The following TSPEAR variants were observed in gnomAD, a reference collection of about 807,000 sequenced individuals.
TSPEAR encodes the protein thrombospondin-type laminin G domain and EAR repeat-containing protein.
In TSPEAR, 69 loss-of-function variants were observed where a neutral mutation model predicts 71.6. The ratio of observed to expected loss-of-function variants is 0.96; its 90% confidence interval spans 0.79 to 1.18. The LOEUF (loss-of-function observed/expected upper bound fraction) is 1.18. Ranked by LOEUF, TSPEAR falls within the 50% of genes most tolerant of loss-of-function variation. TSPEAR has a pLI of 0.00. For synonymous variants in TSPEAR, 402 were observed against 387.2 expected (o/e 1.04, Z -0.45); for missense variants, 971 against 894.9 (o/e 1.09, Z -1.09).
rs1555931444 is a variant in TSPEAR, at chr21:44,612,625, C to T, written c.83-44620G>A. On this transcript the variant is annotated intron_variant, in intron 1 of 11. Transcript: ENST00000323084. This position sits in a 1 kb window ranked among gnomAD's most constrained non-coding sequence, Gnocchi z 4.1. ...TGCCCATCTGCTGCAAGCCCATCTG[C>T]TGTGTGCCTGTCTGCTCTGGGGCTT... 5 of 1,614,150 alleles carry T rather than the reference C, an allele frequency of 3.1e-6. No individual in the cohort carries two copies. Among genetic ancestry groups the T allele is most frequent in the East Asian group, 4.5e-5 (2 of 44,884 alleles).
intron 1 of TSPEAR, among the ~76,000 whole-genome samples, chr21:44,570,888 C>T (rs1569191991): frequency 6.6e-6 from 1 of 152,106 alleles, no homozygotes; most frequent in Non-Finnish European, 1.5e-5. Context: ...TTTATCAAAA[C>T]CTCAGATAAT....
At chr21:44,500,072 C>G (rs967103296) in intron 11 of TSPEAR, 136 bp from the exon 12 acceptor site, 2 of 871,660 alleles carry the variant, frequency 2.3e-6, no homozygotes, top group Admixed American at 6.8e-5. Flanking sequence ...CCGACTGGCA[C>G]AGCGTGGGGA....
chr21:44,654,955 G>A (rs1985053550), intron 1 of TSPEAR, among the ~76,000 whole-genome samples: 1 of 152,106 alleles, frequency 6.6e-6, no homozygotes, highest in Non-Finnish European at 1.5e-5. Context: ...ATGCCATCTG[G>A]AGCTCACACA....
At chr21:44,625,194 A>G (rs1229804516) in intron 1 of TSPEAR, among the ~76,000 whole-genome samples, 2 of 152,242 alleles carry the variant, frequency 1.3e-5, no homozygotes, top group Admixed American at 6.5e-5. Flanking sequence ...TGAGTGGTGA[A>G]CAAGACAACC....
intron 1 of TSPEAR, among the ~76,000 whole-genome samples, chr21:44,595,841 T>C (rs147121648): frequency 5.1e-4 from 77 of 152,366 alleles, no homozygotes; most frequent in Non-Finnish European, 9.7e-4. Flanking sequence ...CTACCCACTA[T>C]GTTTCTGTAA....
rs1368309276 is a variant in TSPEAR, at chr21:44,569,986, A to T, written c.83-1981T>A. 3.3e-5 allele frequency among the ~76,000 whole-genome samples: 5 copies of T among 152,060 alleles called. No individual in the cohort carries two copies. The East Asian group carries it at 9.7e-4, about 29-fold the overall frequency. On this transcript the variant is annotated intron_variant, in intron 1 of 11. Transcript: ENST00000323084. The stretch of plus-strand genomic sequence containing the variant: ...CCCTGGAAAGAATGGGTCTCTAAGT[A>T]AACCCCATGCACCCTACTGCCCCTC...
At chr21:44,548,833 ACT>A (rs773818055) in intron 2 of TSPEAR, among the ~76,000 whole-genome samples, 11 of 152,176 alleles carry the variant, frequency 7.2e-5, no homozygotes, top group Non-Finnish European at 1.2e-4. Context: ...ATCCATGAAC[ACT>A]CTGCACCAGC....
At position 44,702,313 on chromosome 21, in the gene TSPEAR, G is replaced by A. The variant is rs535719719; in HGVS notation, c.82+9120C>T. The stretch of plus-strand genomic sequence containing the variant: ...CTGCGCCGCCAGCTGCTGTGCCCCG[G>A]CCCCCTGCCTGACCCTGGTCTGCAC... On this transcript the variant is annotated intron_variant, in intron 1 of 11. Transcript: ENST00000323084. 116 of 1,609,820 alleles carry A rather than the reference G, an allele frequency of 7.2e-5. No individual in the cohort carries two copies. In the East Asian group the frequency reaches 2.5e-3, roughly 35 times the overall value.
chr21:44,536,454 A>G (rs1412405591), intron 2 of TSPEAR, among the ~76,000 whole-genome samples: 6 of 152,232 alleles, frequency 3.9e-5, no homozygotes, highest in Middle Eastern at 3.2e-3. Flanking sequence ...AGGTAGCACC[A>G]TGTCTCTAGG....
At chr21:44,676,732 T>C in intron 1 of TSPEAR, 2 of 785,550 alleles carry the variant, frequency 2.5e-6, no homozygotes, top group South Asian at 2.7e-5. Flanking sequence ...ATCTCTGACT[T>C]CCTCTACGTT....
At chr21:44,518,904 G>A (rs1601350943) in intron 9 of TSPEAR, 1 of 293,456 alleles carries the variant, frequency 3.4e-6, no homozygotes, top group Non-Finnish European at 6.9e-6. Flanking sequence ...GATGACACAT[G>A]ACTGGTGTGG....
Position 44,600,988 on chromosome 21 carries a change from G to T in TSPEAR, c.83-32983C>A, listed in dbSNP as rs782082026. The T allele has an allele frequency of 5.6e-6, 9 of 1,610,452 alleles. No homozygotes were observed. In the Admixed American group the frequency reaches 6.7e-5, roughly 12 times the overall value. On this transcript the variant is annotated intron_variant, in intron 1 of 11. Transcript: ENST00000323084. The stretch of plus-strand genomic sequence containing the variant: ...CTGCAAGACTGTCTGCTGCAAGCCT[G>T]TGTACTGTGTGCCTGTCTGCAGTGG...
chr21:44,555,543 G>A (rs1555919640), intron 2 of TSPEAR, among the ~76,000 whole-genome samples: 1 of 152,210 alleles, frequency 6.6e-6, no homozygotes, highest in Admixed American at 6.5e-5. Context: ...GTGGGCACTT[G>A]GCTAGGCCAG....
intron 1 of TSPEAR, among the ~76,000 whole-genome samples, chr21:44,648,157 T>G (rs1456972903): frequency 1.3e-5 from 2 of 152,162 alleles, no homozygotes; most frequent in Admixed American, 6.5e-5. Context: ...TACTCAGACG[T>G]CACTCATCCT....
intron 10 of TSPEAR, chr21:44,508,190 C>T (rs114642489): frequency 0.01 from 1,566 of 153,896 alleles, 27 homozygotes; most frequent in African/African-American, 0.032. Flanking sequence ...CACAGCTGAG[C>T]GGCACACAGC....
Position 44,556,334 on chromosome 21 carries a change from C to T in TSPEAR, c.303+11451G>A, listed in dbSNP as rs997202485. Reference sequence around the variant, plus strand: ...GAAGTTGTACTGAGCGGAGATTGCTCCACTGCACTCTAGCCTGGCAACAGA... The same window carrying T: ...GAAGTTGTACTGAGCGGAGATTGCTTCACTGCACTCTAGCCTGGCAACAGA... On this transcript the variant is annotated intron_variant, in intron 2 of 11. Transcript: ENST00000323084. Among the ~76,000 whole-genome samples, 3 of 152,044 alleles carry T rather than the reference C, an allele frequency of 2.0e-5. No homozygotes were observed. The South Asian group carries it at 6.2e-4, about 32-fold the overall frequency.
intron 1 of TSPEAR, chr21:44,702,750 C>T (rs1223491366): frequency 1.2e-5 from 17 of 1,395,072 alleles, no homozygotes; most frequent in Non-Finnish European, 1.5e-5. Flanking sequence ...GCCGTGTGTG[C>T]TCCCACCTGG....
chr21:44,584,563 C>T (rs1979217668), intron 1 of TSPEAR, among the ~76,000 whole-genome samples: 1 of 152,202 alleles, frequency 6.6e-6, no homozygotes, highest in African/African-American at 2.4e-5. Flanking sequence ...CACATAGAAT[C>T]TCTTGCTTTA....
intron 2 of TSPEAR, among the ~76,000 whole-genome samples, chr21:44,561,444 A>G (rs145993435): frequency 1.3e-5 from 2 of 152,202 alleles, no homozygotes; most frequent in Non-Finnish European, 2.9e-5. Flanking sequence ...ACTATTCCAA[A>G]CAACTGAAAA....
Sources: allele counts gnomAD v4.1 joint callset (sites outside exome capture counted in the v4.1 genomes callset), GRCh38; gene constraint gnomAD v4.1.1; non-coding constraint Gnocchi (gnomAD v3.1); transcripts MANE v1.5; gene names NCBI Gene and HGNC (gene_info 2026-07-23, HGNC 2026-07-21).